MAST4: variants seen among roughly 807,000 people sequenced by gnomAD.
The protein encoded by MAST4 is microtubule associated serine/threonine kinase family member 4.
Under a neutral mutation model 162.7 loss-of-function variants are expected in MAST4, and 89 were observed. That is an observed-to-expected ratio of 0.55 (90% CI 0.46 to 0.65). The LOEUF (loss-of-function observed/expected upper bound fraction) is 0.65. Ranked by LOEUF, MAST4 falls within the 30% of genes least tolerant of loss-of-function variation. The probability of loss-of-function intolerance (pLI) is 0.00; values close to 1 mark genes in which losing one functional copy is unlikely to be tolerated. For synonymous variants in MAST4, 1,479 were observed against 1,361.1 expected, an observed-to-expected ratio of 1.09 and a Z score of -1.91; for missense variants, 3,153 against 3,374.0, an observed-to-expected ratio of 0.93 and a Z score of 1.62.
At chr5:66,975,111 A>T (rs1382592740) in intron 4 of MAST4, among the ~76,000 whole-genome samples, 1 of 152,184 alleles carries the variant, frequency 6.6e-6, no homozygotes. Flanking sequence ...AGAGAGGCCA[A>T]GGGGGATTTG....
chr5:66,648,480 G>A (rs953730633), intron 1 of MAST4, among the ~76,000 whole-genome samples: 1 of 151,986 alleles, frequency 6.6e-6, no homozygotes, highest in Non-Finnish European at 1.5e-5. Context: ...TATATTTAAC[G>A]GTAGCAGAGA....
intron 5 of MAST4, among the ~76,000 whole-genome samples, chr5:67,058,619 T>C (rs1464840615): frequency 6.6e-6 from 1 of 152,242 alleles, no homozygotes; most frequent in Non-Finnish European, 1.5e-5. Context: ...TTTCATGTGC[T>C]GGTATTGGAA....
At chr5:66,864,397 A>T (rs1018282644) in intron 3 of MAST4, among the ~76,000 whole-genome samples, 5 of 152,136 alleles carry the variant, frequency 3.3e-5, no homozygotes, top group African/African-American at 1.2e-4. Context: ...GTGTGGCTGC[A>T]GTGAAGTAAG....
At chr5:66,812,248 A>T (rs1344394791) in intron 3 of MAST4, among the ~76,000 whole-genome samples, 1 of 152,208 alleles carries the variant, frequency 6.6e-6, no homozygotes, top group Admixed American at 6.5e-5. Context: ...TATTACTGAA[A>T]ATTAATATTC....
chr5:66,830,455 A>C (rs1757523571), intron 3 of MAST4, among the ~76,000 whole-genome samples: 1 of 152,230 alleles, frequency 6.6e-6, no homozygotes, highest in Non-Finnish European at 1.5e-5. Flanking sequence ...AAAACAAAGG[A>C]ATACTTGCTA....
intron 4 of MAST4, among the ~76,000 whole-genome samples, chr5:66,905,172 A>C (rs1763265762): frequency 6.6e-6 from 1 of 151,956 alleles, no homozygotes; most frequent in African/African-American, 2.4e-5. Flanking sequence ...CCAGGCTTGG[A>C]GGCGCATGCC....
chr5:67,095,688 CTTTTT>C lies in MAST4; in HGVS notation c.912+24_912+28del. ...CTCTACGGTCTCTGTAAGTGCCTGA[CTTTTT>C]TTTTTTTTTTCTCTTCCTCACAACA... On this transcript the variant is annotated intron_variant, in intron 7 of 28. Transcript: ENST00000403625. The C allele has an allele frequency of 1.1e-5, 14 of 1,309,272 alleles. No individual in the cohort carries two copies. Among genetic ancestry groups the C allele is most frequent in the South Asian group, 1.6e-5 (1 of 61,566 alleles). 81.1% of individuals were successfully genotyped at this position (1,309,272 alleles called of 1,614,324 possible).
chr5:67,017,605 CTTTT>C (rs34059850), intron 4 of MAST4, among the ~76,000 whole-genome samples: 1 of 135,022 alleles, frequency 7.4e-6, no homozygotes, highest in Non-Finnish European at 1.6e-5. Flanking sequence ...TTTTTCTTTT[CTTTT>C]TTTTTTTTTT....
chr5:66,758,172 C>G (rs78247620), intron 1 of MAST4, among the ~76,000 whole-genome samples: 5,356 of 150,854 alleles, frequency 0.036, 297 homozygotes, highest in African/African-American at 0.12. Flanking sequence ...CACTAAAATA[C>G]TGACCGGCAA....
chr5:67,077,104 G>A (rs922029322), intron 5 of MAST4, among the ~76,000 whole-genome samples: 6 of 152,258 alleles, frequency 3.9e-5, no homozygotes, highest in Admixed American at 2.0e-4. Context: ...TAAGGTGTCT[G>A]GCCTGGTCTG....
intron 4 of MAST4, among the ~76,000 whole-genome samples, chr5:66,906,984 C>T (rs992512898): frequency 6.6e-6 from 1 of 152,014 alleles, no homozygotes; most frequent in Non-Finnish European, 1.5e-5. Flanking sequence ...GCCTGCTAGA[C>T]TTCTGAGGTA....
At chr5:66,845,702 A>G (rs1325905481) in intron 3 of MAST4, among the ~76,000 whole-genome samples, 1 of 152,110 alleles carries the variant, frequency 6.6e-6, no homozygotes, top group Non-Finnish European at 1.5e-5. Flanking sequence ...GTCTTTCACA[A>G]TGGTTGAACT....
At chr5:67,020,676 G>A (rs1753862304) in intron 4 of MAST4, among the ~76,000 whole-genome samples, 1 of 152,224 alleles carries the variant, frequency 6.6e-6, no homozygotes, top group African/African-American at 2.4e-5. Flanking sequence ...TGGACAGAAG[G>A]TTGGAATGCT....
chr5:66,983,655 G>A (rs1441288267), intron 4 of MAST4, among the ~76,000 whole-genome samples: 1 of 152,180 alleles, frequency 6.6e-6, no homozygotes, highest in Non-Finnish European at 1.5e-5. Flanking sequence ...ACAAAACTGA[G>A]GGGGAGGGGA....
intron 4 of MAST4, among the ~76,000 whole-genome samples, chr5:66,909,243 C>T (rs768574122): frequency 3.1e-4 from 47 of 152,230 alleles, no homozygotes; most frequent in Admixed American, 2.0e-4. Flanking sequence ...CCTAAGGACA[C>T]GAGCTCTCTA....
chr5:67,067,448 A>G (rs1760384293), intron 5 of MAST4, among the ~76,000 whole-genome samples: 1 of 152,222 alleles, frequency 6.6e-6, no homozygotes, highest in Admixed American at 6.5e-5. Flanking sequence ...TTAAGAAACT[A>G]CCAGAGGATT....
intron 1 of MAST4, among the ~76,000 whole-genome samples, chr5:66,749,754 G>C (rs937696187): frequency 2.6e-5 from 4 of 152,192 alleles, no homozygotes; most frequent in African/African-American, 9.7e-5. Flanking sequence ...CATGGTTGAG[G>C]AAACAGGTGC....
At position 67,108,263 on chromosome 5, in the gene MAST4, T is replaced by C. The variant is rs547466154; in HGVS notation, c.1357-1835T>C. Among the ~76,000 whole-genome samples, 19 of 152,350 alleles carry C rather than the reference T, an allele frequency of 1.2e-4. No homozygotes were observed. The East Asian group carries it at 3.5e-3, about 28-fold the overall frequency. On this transcript the variant is annotated intron_variant, in intron 10 of 28. Coordinates refer to ENST00000403625, the MANE Select transcript of MAST4 (RefSeq NM_001164664.2). ...GTGTTTAGGCTTTTCAGATTTTCTT[T>C]ATATTCCTGAATTTATAAACCAAAA...
chr5:67,146,623 T>A (rs1771114456), intron 23 of MAST4, among the ~76,000 whole-genome samples: 1 of 152,038 alleles, frequency 6.6e-6, no homozygotes, highest in Non-Finnish European at 1.5e-5. Context: ...TCAGGAAAAA[T>A]TTTATGGGCT....
Sources: gnomAD v4.1 joint callset for allele counts (sites outside exome capture counted in the v4.1 genomes callset) on GRCh38, gnomAD v4.1.1 for gene constraint, MANE v1.5 for transcripts, NCBI Gene and HGNC (gene_info 2026-07-23, HGNC 2026-07-21) for gene names.